KSR2: variants seen among roughly 807,000 people sequenced by gnomAD.
KSR2 encodes kinase suppressor of ras 2.
A neutral mutation model predicts 107.8 loss-of-function variants in KSR2; 25 were observed. The ratio of observed to expected loss-of-function variants is 0.23; its 90% CI spans 0.17 to 0.32. KSR2 has a LOEUF of 0.32. Ranked by LOEUF, KSR2 falls within the 10% of genes least tolerant of loss-of-function variation. The pLI is 1.00. For missense variants in KSR2, 887 were observed against 1,268.9 expected, an observed-to-expected ratio of 0.70 and a Z score of 4.57; for synonymous variants, 480 against 507.0, an observed-to-expected ratio of 0.95 and a Z score of 0.71.
rs1364930858 is a variant in KSR2, at chr12:117,458,456, T to C, written c.*8743A>G. 1 of 152,092 alleles carries C rather than the reference T, an allele frequency of 6.6e-6. No individual in the cohort carries two copies. Among genetic ancestry groups the C allele is most frequent in the Non-Finnish European group, 1.5e-5 (1 of 68,028 alleles). The allele number at this position is 152,092 out of a possible 1,614,324, so 9.4% of individuals were successfully genotyped here. A position where few individuals can be genotyped will look rare whatever the true frequency, so the allele number is the denominator to read the frequency against. ...AAAAACTAAGATTTGTTTTTAATCATTAGACTTTCAAATTTAAGAAGGCGC... is the reference window on the plus strand; with the variant it reads ...AAAAACTAAGATTTGTTTTTAATCACTAGACTTTCAAATTTAAGAAGGCGC... On this transcript the variant is annotated 3_prime_UTR_variant, in exon 20 of 20. Coordinates refer to ENST00000339824, the MANE Select transcript of KSR2 (RefSeq NM_173598.6).
chr12:117,683,288 A>G (rs1429154882), intron 4 of KSR2, among the ~76,000 whole-genome samples: 1 of 152,118 alleles, frequency 6.6e-6, no homozygotes, highest in Admixed American at 6.5e-5. Flanking sequence ...ATTCTAGAAA[A>G]CAGAGAAACA....
At position 117,582,445 on chromosome 12, in the gene KSR2, C is replaced by T. The variant is rs568345797; in HGVS notation, c.1172-86G>A. The T allele has an allele frequency of 4.1e-4, 403 of 978,228 alleles. 4 individuals are homozygous for T. The highest frequency in any genetic ancestry group is 2.5e-3 in the Middle Eastern group (12 of 4,788). The allele number at this position is 978,228 out of a possible 1,614,324, so 60.6% of individuals were successfully genotyped here. ...AAGGCCTGGAAGGAAAAGGGGGGCT[C>T]GTCACCCTCAGGAAGGATACCAGTT... On this transcript the variant is annotated intron_variant, in intron 5 of 19. Coordinates refer to ENST00000339824, the MANE Select transcript of KSR2 (RefSeq NM_173598.6).
At chr12:117,889,283 G>C (rs892830638) in intron 1 of KSR2, among the ~76,000 whole-genome samples, 5 of 152,166 alleles carry the variant, frequency 3.3e-5, no homozygotes, top group African/African-American at 9.7e-5. Context: ...TATTAGCAGG[G>C]CGAGCAGCCG....
At chr12:117,664,501 T>A (rs1237728661) in intron 5 of KSR2, among the ~76,000 whole-genome samples, 1 of 152,082 alleles carries the variant, frequency 6.6e-6, no homozygotes, top group Non-Finnish European at 1.5e-5. Flanking sequence ...TTCACTGGCA[T>A]GGGAATGGGA....
At chr12:117,834,493 A>C (rs1030074751) in intron 3 of KSR2, among the ~76,000 whole-genome samples, 7 of 151,956 alleles carry the variant, frequency 4.6e-5, no homozygotes, top group African/African-American at 1.4e-4. Flanking sequence ...GAAAAAAGAA[A>C]CTGTCCTGAG....
rs1407243721 is a variant in KSR2, at chr12:117,470,652, T to C, written c.2712+539A>G. ...TACTTTTAGTAATCTCTTCATCACC[T>C]AGGTGCAGGTAATCTTTAGAAACAT... is the stretch of plus-strand genomic sequence containing the variant. On this transcript the variant is annotated intron_variant, in intron 18 of 19. Transcript: ENST00000339824. 2.0e-5 allele frequency among the ~76,000 whole-genome samples: 3 copies of C among 152,208 alleles called. No individual in the cohort carries two copies. In the East Asian group the frequency reaches 5.8e-4, roughly 29 times the overall value.
chr12:117,711,390 G>T (rs1393812646), intron 4 of KSR2, among the ~76,000 whole-genome samples: 5 of 152,222 alleles, frequency 3.3e-5, no homozygotes. Flanking sequence ...GGAAGCACTT[G>T]CAGGCTGCAG....
chr12:117,950,491 T>C lies in KSR2; in HGVS notation c.180+17585A>G, dbSNP rs370754503. On this transcript the variant is annotated intron_variant, in intron 1 of 19. Coordinates refer to ENST00000339824, the MANE Select transcript of KSR2 (RefSeq NM_173598.6). ...GGCTCACGCCTGTAATCCTAGCACT[T>C]TGAGAGGCTGAGGCAGGTGGATCGC... Among the ~76,000 whole-genome samples the C allele has an allele frequency of 3.1e-4, 47 of 152,016 alleles. No homozygotes were observed. The South Asian group carries it at 9.6e-3, about 31-fold the overall frequency.
At chr12:117,616,331 A>G (rs187463331) in intron 5 of KSR2, among the ~76,000 whole-genome samples, 1 of 152,338 alleles carries the variant, frequency 6.6e-6, no homozygotes, top group Non-Finnish European at 1.5e-5. Context: ...CACAAGGCCT[A>G]TGAGGAATTG....
At chr12:117,496,599 A>G (rs1873039671) in intron 14 of KSR2, among the ~76,000 whole-genome samples, 1 of 152,214 alleles carries the variant, frequency 6.6e-6, no homozygotes, top group Admixed American at 6.5e-5. Flanking sequence ...AGTGTATTTT[A>G]AAGAGATACT....
intron 11 of KSR2, 37 bp downstream of exon 11, chr12:117,531,629 T>C (rs1391632640): frequency 6.3e-7 from 1 of 1,591,526 alleles, no homozygotes; most frequent in Non-Finnish European, 8.6e-7. Context: ...GCGGGGCTTG[T>C]TCAGAAGGGG....
At chr12:117,684,193 T>C (rs1037524773) in intron 4 of KSR2, among the ~76,000 whole-genome samples, 8 of 152,238 alleles carry the variant, frequency 5.3e-5, no homozygotes, top group African/African-American at 1.9e-4. Context: ...CCACCCCTCC[T>C]GGTATGGGTT....
chr12:117,715,894 T>G (rs924293783), intron 4 of KSR2, among the ~76,000 whole-genome samples: 2 of 152,376 alleles, frequency 1.3e-5, no homozygotes, highest in African/African-American at 4.8e-5. Context: ...CTGTTCTTCA[T>G]TAAGTTCCTA....
intron 14 of KSR2, among the ~76,000 whole-genome samples, chr12:117,487,231 TAA>T (rs1395069988): frequency 2.0e-5 from 3 of 152,234 alleles, no homozygotes; most frequent in African/African-American, 7.2e-5. Flanking sequence ...CAAATATATA[TAA>T]GTGATATATC....
intron 1 of KSR2, among the ~76,000 whole-genome samples, chr12:117,871,157 C>T (rs146768662): frequency 4.1e-4 from 62 of 152,232 alleles, no homozygotes; most frequent in African/African-American, 1.3e-3. Context: ...TGATATGGGT[C>T]CAATCACTGT....
intron 3 of KSR2, among the ~76,000 whole-genome samples, chr12:117,826,608 A>T (rs1891760908): frequency 6.6e-6 from 1 of 152,184 alleles, no homozygotes; most frequent in Admixed American, 6.5e-5. Flanking sequence ...AGCAAGAGAC[A>T]CATGAAGTGT....
chr12:117,715,074 G>A (rs767072345), intron 4 of KSR2, among the ~76,000 whole-genome samples: 23 of 152,008 alleles, frequency 1.5e-4, no homozygotes, highest in Non-Finnish European at 2.6e-4. Flanking sequence ...GCTTTTCTGT[G>A]TTGCCCCTGG....
intron 1 of KSR2, among the ~76,000 whole-genome samples, chr12:117,933,434 C>A (rs372075986): frequency 2.3e-3 from 344 of 151,868 alleles, no homozygotes; most frequent in African/African-American, 8.0e-3. Flanking sequence ...ACTGAAAATA[C>A]AAAAAATTAG....
intron 5 of KSR2, among the ~76,000 whole-genome samples, chr12:117,583,136 G>C (rs977666663): frequency 6.6e-6 from 1 of 152,010 alleles, no homozygotes; most frequent in Non-Finnish European, 1.5e-5. Flanking sequence ...GGATGGATAG[G>C]ATGGATGGAT....
Sources: gnomAD v4.1 joint callset for allele counts (sites outside exome capture counted in the v4.1 genomes callset) on GRCh38, gnomAD v4.1.1 for gene constraint, MANE v1.5 for transcripts, NCBI Gene and HGNC (gene_info 2026-07-23, HGNC 2026-07-21) for gene names.